Variants in CHST15 observed in about 807,000 individuals in gnomAD.
The protein encoded by CHST15 is carbohydrate sulfotransferase 15.
A neutral mutation model predicts 53.6 loss-of-function variants in CHST15; 30 were observed. That is an observed-to-expected ratio of 0.56 (90% CI 0.42 to 0.76). The LOEUF is 0.76. CHST15 is among the 30% of genes least tolerant of loss of function. The probability of loss-of-function intolerance (pLI) is 0.00; values close to 1 mark genes in which losing one functional copy is unlikely to be tolerated. For synonymous variants in CHST15, 296 were observed against 289.8 expected (o/e 1.02, Z -0.22); for missense variants, 627 against 740.5 (o/e 0.85, Z 1.78).
intron 1 of CHST15, among the ~76,000 whole-genome samples, chr10:124,053,699 T>C (rs1948283469): frequency 6.6e-6 from 1 of 151,956 alleles, no homozygotes; most frequent in South Asian, 2.1e-4. Context: ...GGCGGATGAC[T>C]CAAGCCCAGG....
chr10:124,084,886 G>T (rs1417383175), intron 1 of CHST15, among the ~76,000 whole-genome samples: 1 of 152,144 alleles, frequency 6.6e-6, no homozygotes, highest in Admixed American at 6.5e-5. Context: ...CAAGATCTCG[G>T]CCAAAACTCC....
At position 124,020,377 on chromosome 10, in the gene CHST15, C is replaced by T. The variant is rs566494096; in HGVS notation, c.1347+879G>A. On this transcript the variant is annotated intron_variant, in intron 6 of 7. Transcript: ENST00000435907. ...GCACCAGAGCAGGCTCTGGGGTTACCTGTGTCCCTGTGGCATCTTCCTTGC... is the reference window on the plus strand; with the variant it reads ...GCACCAGAGCAGGCTCTGGGGTTACTTGTGTCCCTGTGGCATCTTCCTTGC... 11 of 985,468 alleles carry T rather than the reference C, an allele frequency of 1.1e-5. No homozygotes were observed. In the South Asian group the frequency reaches 4.2e-4, roughly 38 times the overall value. 61.0% of individuals were successfully genotyped at this position (985,468 alleles called of 1,614,324 possible).
chr10:124,088,841 CCTT>C (rs1393219132), intron 1 of CHST15, among the ~76,000 whole-genome samples: 1 of 152,198 alleles, frequency 6.6e-6, no homozygotes, highest in East Asian at 1.9e-4. Context: ...AAACCTTTCT[CCTT>C]CTTCCTGGAC....
At chr10:124,011,166 G>A in intron 7 of CHST15, 1 of 903,402 alleles carries the variant, frequency 1.1e-6, no homozygotes, top group Non-Finnish European at 1.3e-6. Flanking sequence ...CGCCCTCTGG[G>A]CCACAGCTTC....
At chr10:124,039,015 T>C (rs951408654) in intron 4 of CHST15, among the ~76,000 whole-genome samples, 1 of 152,118 alleles carries the variant, frequency 6.6e-6, no homozygotes, top group Non-Finnish European at 1.5e-5. Flanking sequence ...TTAACTTTGC[T>C]CACAGTGCAC....
rs965341549 is a variant in CHST15, at chr10:124,010,036, A to T, written c.*113T>A. On this transcript the variant is annotated 3_prime_UTR_variant, in exon 8 of 8. Transcript: ENST00000435907. The stretch of plus-strand genomic sequence containing the variant: ...ATAATTCATGTGTGCCTAGAGTGGC[A>T]GAGTCCTGGGGTTTTCCATACCATG... 3 of 1,574,486 alleles carry T rather than the reference A, an allele frequency of 1.9e-6. No homozygotes were observed. The African/African-American group carries it at 4.1e-5, about 21-fold the overall frequency.
At chr10:124,023,662 T>G (rs1370688825) in intron 5 of CHST15, among the ~76,000 whole-genome samples, 1 of 152,044 alleles carries the variant, frequency 6.6e-6, no homozygotes, top group Non-Finnish European at 1.5e-5. Context: ...AGGGTGAAAC[T>G]GGGCTTATGA....
rs555497180 is a variant in CHST15, at chr10:124,017,804, G to A, written c.1347+3452C>T. Among the ~76,000 whole-genome samples the A allele has an allele frequency of 5.3e-5, 8 of 152,340 alleles. No homozygotes were observed. The South Asian group carries it at 1.4e-3, about 28-fold the overall frequency. ...AGTAGTAAGCCCCAGGCATGGGAGGGCCTGTGTTAAGGTGTAGTGCCAGGT... is the reference window on the plus strand; with the variant it reads ...AGTAGTAAGCCCCAGGCATGGGAGGACCTGTGTTAAGGTGTAGTGCCAGGT... On this transcript the variant is annotated intron_variant, in intron 6 of 7. Coordinates refer to ENST00000435907, the MANE Select transcript of CHST15 (RefSeq NM_001270764.2).
At chr10:124,052,082 GA>G (rs1564889807) in intron 1 of CHST15, among the ~76,000 whole-genome samples, 3 of 151,794 alleles carry the variant, frequency 2.0e-5, no homozygotes, top group Admixed American at 2.0e-4. Context: ...ATGTTTTAAG[GA>G]AAAAAAATTC....
At chr10:124,029,524 C>A (rs991275234) in intron 5 of CHST15, among the ~76,000 whole-genome samples, 1 of 152,188 alleles carries the variant, frequency 6.6e-6, no homozygotes, top group South Asian at 2.1e-4. Flanking sequence ...TCACAGGGCC[C>A]CGGTAACTGT....
chr10:124,085,505 T>C (rs77186455), intron 1 of CHST15, among the ~76,000 whole-genome samples: 5,597 of 152,304 alleles, frequency 0.037, 335 homozygotes, highest in African/African-American at 0.13. Flanking sequence ...AAACTCAGTG[T>C]TCACATAAAA....
intron 6 of CHST15, 64 bp from the exon 7 acceptor site, chr10:124,012,544 C>T: frequency 2.0e-6 from 3 of 1,534,644 alleles, no homozygotes; most frequent in African/African-American, 1.4e-5. Flanking sequence ...GGGCACTTTT[C>T]CAAAGTGGTA....
chr10:124,056,927 G>A (rs987516822), intron 1 of CHST15, among the ~76,000 whole-genome samples: 3 of 150,282 alleles, frequency 2.0e-5, no homozygotes. Context: ...GGGCCCGTAC[G>A]ACCGGACACT....
intron 1 of CHST15, among the ~76,000 whole-genome samples, chr10:124,064,146 G>A (rs1273319325): frequency 6.6e-6 from 1 of 152,038 alleles, no homozygotes; most frequent in African/African-American, 2.4e-5. Flanking sequence ...GGACTTTCTT[G>A]CAGATAGCAG....
At chr10:124,018,067 G>A (rs916904112) in intron 6 of CHST15, among the ~76,000 whole-genome samples, 7 of 152,214 alleles carry the variant, frequency 4.6e-5, no homozygotes, top group South Asian at 2.1e-4. Context: ...CTTGAAGGCC[G>A]TGCACCAAGC....
rs559131828 is a variant in CHST15, at chr10:124,081,844, G to GA, written c.-513+11624dup. ...CAATGCTTTCACCCAGCGTACCCTT[G>GA]AAAAAACAACTTCCTAATGTATCCT... On this transcript the variant is annotated intron_variant, in intron 1 of 7. Coordinates refer to ENST00000435907, the MANE Select transcript of CHST15 (RefSeq NM_001270764.2). Among the ~76,000 whole-genome samples the GA allele has an allele frequency of 1.9e-3, 296 of 152,212 alleles. 1 individual carries two copies. The highest frequency in any genetic ancestry group is 1.9e-3 in the Non-Finnish European group (131 of 68,012).
chr10:124,023,563 T>A (rs113163684), intron 5 of CHST15, among the ~76,000 whole-genome samples: 11 of 151,986 alleles, frequency 7.2e-5, no homozygotes, highest in African/African-American at 2.7e-4. Context: ...TTCTCCTCTA[T>A]CTCTCCTTGC....
chr10:124,073,392 A>T (rs1948980389), intron 1 of CHST15, among the ~76,000 whole-genome samples: 1 of 152,224 alleles, frequency 6.6e-6, no homozygotes, highest in Non-Finnish European at 1.5e-5. Flanking sequence ...TCAGGATAGC[A>T]ATTTCCCTTG....
At chr10:124,044,184 T>TTGGGAGCGGCACAGAGC (rs776942879) in intron 3 of CHST15, among the ~76,000 whole-genome samples, 66 of 144,604 alleles carry the variant, frequency 4.6e-4, no homozygotes, top group African/African-American at 1.4e-3. Flanking sequence ...GGCACAGAGC[T>TTGGGAGCGGCACAGAGC]TGGGAGCGGC....
Sources: gnomAD v4.1 joint callset for allele counts (sites outside exome capture counted in the v4.1 genomes callset) on GRCh38, gnomAD v4.1.1 for gene constraint, MANE v1.5 for transcripts, NCBI Gene and HGNC (gene_info 2026-07-23, HGNC 2026-07-21) for gene names.